CDC37L1: variants seen among roughly 807,000 people sequenced by gnomAD.
CDC37L1 encodes the protein hsp90 co-chaperone Cdc37-like 1.
In CDC37L1, 32 loss-of-function variants were observed where a neutral mutation model predicts 45.9. The ratio of observed to expected loss-of-function variants is 0.70; its 90% confidence interval spans 0.53 to 0.94. The LOEUF (loss-of-function observed/expected upper bound fraction) is 0.94. Ranked by LOEUF, CDC37L1 falls within the 40% of genes least tolerant of loss-of-function variation. The pLI, the probability that CDC37L1 is intolerant of heterozygous loss-of-function variation, is 0.00. For missense variants in CDC37L1, 434 were observed against 405.7 expected, an observed-to-expected ratio of 1.07 and a Z score of -0.60; for synonymous variants, 150 against 133.0, an observed-to-expected ratio of 1.13 and a Z score of -0.88.
At chr9:4,696,835 C>G (rs994015558) in intron 3 of CDC37L1, among the ~76,000 whole-genome samples, 2 of 152,232 alleles carry the variant, frequency 1.3e-5, no homozygotes, top group African/African-American at 4.8e-5. Context: ...ACTGGCCACT[C>G]TGGCCTGATT....
At chr9:4,705,027 C>T (rs1291900754) in intron 6 of CDC37L1, among the ~76,000 whole-genome samples, 2 of 152,168 alleles carry the variant, frequency 1.3e-5, no homozygotes, top group Non-Finnish European at 2.9e-5. Flanking sequence ...ATAATCCGAA[C>T]TCCAGCTAGC....
chr9:4,698,256 G>C lies in CDC37L1; in HGVS notation c.747+377G>C, dbSNP rs555565561. Among the ~76,000 whole-genome samples, 3 of 151,906 alleles carry C rather than the reference G, an allele frequency of 2.0e-5. No homozygotes were observed. In the South Asian group the frequency reaches 6.2e-4, roughly 32 times the overall value. On this transcript the variant is annotated intron_variant, in intron 5 of 6. Coordinates refer to ENST00000381854, the MANE Select transcript of CDC37L1 (RefSeq NM_017913.4). ...GATTCTTCATGTGTAGAACTCAGCAGTTTAATGAGAAATCAGACTTTTATA... is the reference window on the plus strand; with the variant it reads ...GATTCTTCATGTGTAGAACTCAGCACTTTAATGAGAAATCAGACTTTTATA...
intron 3 of CDC37L1, among the ~76,000 whole-genome samples, chr9:4,696,123 T>G (rs1841345373): frequency 6.6e-6 from 1 of 152,118 alleles, no homozygotes; most frequent in Non-Finnish European, 1.5e-5. Context: ...AATGAATCAT[T>G]TATTTTTGAT....
intron 3 of CDC37L1, 26 bp from the exon 4 acceptor site, chr9:4,697,070 T>C (rs1427364372): frequency 1.0e-6 from 1 of 970,596 alleles, no homozygotes; most frequent in Admixed American, 2.0e-5. Context: ...TATTTGACAC[T>C]TATGGTTCAA....
intron 1 of CDC37L1, among the ~76,000 whole-genome samples, chr9:4,680,954 T>A (rs1841186931): frequency 6.6e-6 from 1 of 152,202 alleles, no homozygotes; most frequent in African/African-American, 2.4e-5. Flanking sequence ...AAATGCTGTT[T>A]CATAACCACT....
chr9:4,688,151 C>T (rs1841267739), intron 2 of CDC37L1, among the ~76,000 whole-genome samples: 1 of 152,300 alleles, frequency 6.6e-6, no homozygotes, highest in African/African-American at 2.4e-5. Flanking sequence ...AGGCATCCAC[C>T]ACCATGCCCA....
chr9:4,705,963 A>G (rs774802797), intron 6 of CDC37L1, 48 bp from the exon 7 acceptor site: 1 of 876,478 alleles, frequency 1.1e-6, no homozygotes, highest in Non-Finnish European at 1.9e-6. Flanking sequence ...AAAACTGGTT[A>G]TAATGCGTTC....
intron 3 of CDC37L1, among the ~76,000 whole-genome samples, chr9:4,690,284 A>G (rs1192645544): frequency 6.6e-6 from 1 of 152,166 alleles, no homozygotes; most frequent in East Asian, 1.9e-4. Context: ...GCAAGGAGGG[A>G]GGGCACTTCC....
rs2295967 is a variant in CDC37L1 at position 4,685,008 on chromosome 9, C to T, written c.264C>T (p.Ser88=). 168,072 of 1,613,776 alleles carry T rather than the reference C, an allele frequency of 0.1. 11,884 individuals are homozygous for T. Among genetic ancestry groups the T allele is most frequent in the East Asian group, 0.33 (14,686 of 44,862 alleles). The change falls in exon 2 of 7, where the codon TCC becomes TCT. Residue 88 remains serine, a synonymous_variant. Transcript: ENST00000381854. The stretch of plus-strand genomic sequence containing the variant: ...GCTTAGCACTGCATAATTCTGAGTC[C>T]TTGGATCAGGAGCATGCCAAAGCAC... The part of the protein sequence containing the change: ...LGSLALHNSE[S]LDQEHAKAQT...
At chr9:4,702,816 G>A (rs1489546106) in intron 6 of CDC37L1, among the ~76,000 whole-genome samples, 1 of 147,446 alleles carries the variant, frequency 6.8e-6, no homozygotes, top group African/African-American at 2.5e-5. Context: ...GTGAACCCGG[G>A]AGGCAGAGCT....
chr9:4,682,482 C>G (rs1027282882), intron 1 of CDC37L1, among the ~76,000 whole-genome samples: 1 of 151,886 alleles, frequency 6.6e-6, no homozygotes, highest in Non-Finnish European at 1.5e-5. Context: ...CACCCGCCAC[C>G]ATGCCCGGCT....
At position 4,685,172 on chromosome 9, in the gene CDC37L1, C is replaced by T. The variant is rs144791243; in HGVS notation, c.414+14C>T. Reference sequence around the variant, plus strand: ...GTTTTTAATAAGGTATGAGCTTTTACTGGGCCATAATGAAAGAAGAAAAAC... The same window carrying T: ...GTTTTTAATAAGGTATGAGCTTTTATTGGGCCATAATGAAAGAAGAAAAAC... On this transcript the variant is annotated intron_variant, in intron 2 of 6. Transcript: ENST00000381854. 2.5e-5 allele frequency: 40 copies of T among 1,600,522 alleles called. No homozygotes were observed. The highest frequency in any genetic ancestry group is 2.0e-4 in the Admixed American group (12 of 59,600).
chr9:4,682,228 T>C (rs1841201611), intron 1 of CDC37L1, among the ~76,000 whole-genome samples: 1 of 150,524 alleles, frequency 6.6e-6, no homozygotes, highest in African/African-American at 2.4e-5. Context: ...AATGGCACGA[T>C]ATTGGCTCAC....
chr9:4,705,416 A>G (rs1841433179), intron 6 of CDC37L1, among the ~76,000 whole-genome samples: 1 of 152,182 alleles, frequency 6.6e-6, no homozygotes, highest in African/African-American at 2.4e-5. Flanking sequence ...GACAAGCATA[A>G]CATTTATGAG....
intron 1 of CDC37L1, among the ~76,000 whole-genome samples, chr9:4,683,859 T>C (rs759774484): frequency 2.1e-4 from 32 of 152,236 alleles, no homozygotes; most frequent in Non-Finnish European, 1.5e-4. Flanking sequence ...GCTTTTGTTT[T>C]ATAGAGCCAA....
chr9:4,695,004 A>C (rs12685759), intron 3 of CDC37L1, among the ~76,000 whole-genome samples: 8,508 of 152,304 alleles, frequency 0.056, 365 homozygotes, highest in East Asian at 0.18. Flanking sequence ...GTAAGTCACA[A>C]TGCTGCCATG....
chr9:4,686,918 T>C (rs968834826), intron 2 of CDC37L1, among the ~76,000 whole-genome samples: 2 of 152,386 alleles, frequency 1.3e-5, no homozygotes, highest in South Asian at 4.1e-4. Flanking sequence ...AATAATTGTT[T>C]TGTATTGCTT....
chr9:4,689,336 T>TA (rs1410766591), intron 3 of CDC37L1, among the ~76,000 whole-genome samples: 1 of 152,030 alleles, frequency 6.6e-6, no homozygotes, highest in African/African-American at 2.4e-5. Context: ...TTTTTTTTTT[T>TA]AATTCCAAGT....
chr9:4,689,261 G>C (rs1048157450), intron 3 of CDC37L1, among the ~76,000 whole-genome samples: 2 of 151,984 alleles, frequency 1.3e-5, no homozygotes, highest in Non-Finnish European at 2.9e-5. Context: ...GAGAATTATA[G>C]GCAGCATGAT....
Sources: gnomAD v4.1 joint callset for allele counts (sites outside exome capture counted in the v4.1 genomes callset) on GRCh38, gnomAD v4.1.1 for gene constraint, MANE v1.5 for transcripts, NCBI Gene and HGNC (gene_info 2026-07-23, HGNC 2026-07-21) for gene names.